The following AMY2B variants were observed in gnomAD, a reference collection of about 807,000 sequenced individuals.
AMY2B encodes the protein amylase alpha 2B.
A neutral mutation model predicts 59.3 loss-of-function variants in AMY2B; 63 were observed. The ratio of observed to expected loss-of-function variants is 1.06; its 90% confidence interval spans 0.87 to 1.31. The LOEUF (loss-of-function observed/expected upper bound fraction) is 1.31. AMY2B is among the 50% of genes most tolerant of loss of function. AMY2B has a pLI of 0.00. For synonymous variants in AMY2B, 180 were observed against 198.1 expected, an observed-to-expected ratio of 0.91 and a Z score of 0.77; for missense variants, 635 against 626.7, an observed-to-expected ratio of 1.01 and a Z score of -0.14.
chr1:103,557,823 T>C (rs1054915256), intron 1 of AMY2B, among the ~76,000 whole-genome samples: 1 of 152,192 alleles, frequency 6.6e-6, no homozygotes, highest in Non-Finnish European at 1.5e-5. Context: ...TTCCATTATA[T>C]GTTATTTATG....
chr1:103,570,438 A>T (rs1570644127), upstream of AMY2B: 1 of 847,652 alleles, frequency 1.2e-6, no homozygotes, highest in East Asian at 3.3e-5. Flanking sequence ...GTAGGCCAAC[A>T]CGGTGCTATC....
Position 103,573,813 on chromosome 1 carries a change from G to T in AMY2B, c.619G>T (p.Ala207Ser), listed in dbSNP as rs753675917. The T allele has an allele frequency of 1.2e-6, 2 of 1,613,826 alleles. No individual in the cohort carries two copies. Among genetic ancestry groups the T allele is most frequent in the Non-Finnish European group, 1.7e-6 (2 of 1,179,782 alleles). Residue 207 changes from alanine to serine, a missense_variant, in exon 4 of 10, where the codon GCA (alanine) becomes TCA (serine). Ala to Ser is a moderately conservative substitution (Grantham distance 99, BLOSUM62 1). Coordinates refer to ENST00000684275, the MANE Select transcript of AMY2B (RefSeq NM_001387437.1). ...YMNHLIDIGV[A>S]GFRLDASKHM... ...GAATCATCTCATTGACATTGGTGTTGCAGGGTTCAGACTTGATGCTTCCAA... is the reference window on the plus strand; with the variant it reads ...GAATCATCTCATTGACATTGGTGTTTCAGGGTTCAGACTTGATGCTTCCAA...
intron 1 of AMY2B, among the ~76,000 whole-genome samples, chr1:103,555,864 A>ATT: frequency 6.6e-6 from 1 of 152,310 alleles, no homozygotes; most frequent in African/African-American, 2.4e-5. Flanking sequence ...TATGCTAATC[A>ATT]GACTGATTCA....
At chr1:103,559,676 A>G (rs1651672113) in intron 1 of AMY2B, among the ~76,000 whole-genome samples, 1 of 152,226 alleles carries the variant, frequency 6.6e-6, no homozygotes, top group Non-Finnish European at 1.5e-5. Context: ...AAAAGGAAGC[A>G]AATTTCAAGA....
upstream of AMY2B, chr1:103,571,256 GT>G (rs1230604057): frequency 5.9e-5 from 43 of 725,586 alleles, no homozygotes; most frequent in Admixed American, 9.9e-4. Flanking sequence ...TTTATGTAAA[GT>G]TTTTTTGTAT....
intron 2 of AMY2B, 37 bp from the exon 3 acceptor site, chr1:103,573,026 C>G: frequency 6.2e-7 from 1 of 1,612,364 alleles, no homozygotes; most frequent in Non-Finnish European, 8.5e-7. Flanking sequence ...TTCTGCCTCT[C>G]TGTAAGTCAC....
At position 103,575,363 on chromosome 1, in the gene AMY2B, C is replaced by T. The variant is rs374177865; in HGVS notation, c.1001+18C>T. On this transcript the variant is annotated intron_variant, in intron 6 of 9. Transcript: ENST00000684275. ...GATGCTAGGTAGAAAACCAAGTTCT[C>T]TATTTTTTTTAACACATCTTTTAAT... 13 of 1,612,652 alleles carry T rather than the reference C, an allele frequency of 8.1e-6. No homozygotes were observed. Among genetic ancestry groups the T allele is most frequent in the African/African-American group, 1.3e-5 (1 of 74,510 alleles).
chr1:103,575,425 A>G lies in AMY2B; in HGVS notation c.1002-16A>G, dbSNP rs1337153857. ...TATTCTGATATTCTGTGATAATATAATTATGTAACTTTCAGGCTGTATAAA... is the reference window on the plus strand; with the variant it reads ...TATTCTGATATTCTGTGATAATATAGTTATGTAACTTTCAGGCTGTATAAA... On this transcript the variant is annotated splice_polypyrimidine_tract_variant and intron_variant, in intron 6 of 9. Coordinates refer to ENST00000684275, the MANE Select transcript of AMY2B (RefSeq NM_001387437.1). 2 of 1,613,334 alleles carry G rather than the reference A, an allele frequency of 1.2e-6. No homozygotes were observed. The highest frequency in any genetic ancestry group is 8.5e-7 in the Non-Finnish European group (1 of 1,179,626).
chr1:103,565,805 A>G (rs903421969), intron 2 of AMY2B, among the ~76,000 whole-genome samples: 4 of 152,276 alleles, frequency 2.6e-5, no homozygotes, highest in South Asian at 2.1e-4. Flanking sequence ...TAATATAACT[A>G]TCACACTTCC....
intron 7 of AMY2B, among the ~76,000 whole-genome samples, chr1:103,576,320 A>T (rs1652352001): frequency 6.6e-6 from 1 of 152,134 alleles, no homozygotes; most frequent in African/African-American, 2.4e-5. Flanking sequence ...GAAGTCTGTT[A>T]CTTTGTATAG....
chr1:103,567,437 C>T (rs1043984593), upstream of AMY2B, among the ~76,000 whole-genome samples: 5 of 152,120 alleles, frequency 3.3e-5, no homozygotes, highest in Non-Finnish European at 7.4e-5. Flanking sequence ...CATTTTGTCT[C>T]ATGTTAAAAA....
upstream of AMY2B, chr1:103,569,549 C>A (rs925283808): frequency 1.5e-5 from 5 of 327,800 alleles, no homozygotes; most frequent in South Asian, 2.7e-5. Context: ...CTCCACCAGT[C>A]GCAATGGAAG....
intron 1 of AMY2B, among the ~76,000 whole-genome samples, chr1:103,557,049 T>C (rs1354902672): frequency 1.3e-5 from 2 of 152,096 alleles, no homozygotes; most frequent in African/African-American, 4.8e-5. Context: ...TCATCCCAAG[T>C]ACTTAAGCTG....
At chr1:103,563,344 G>A (rs566845266) in intron 1 of AMY2B, among the ~76,000 whole-genome samples, 12 of 152,164 alleles carry the variant, frequency 7.9e-5, no homozygotes, top group African/African-American at 2.2e-4. Context: ...CAATAATGCC[G>A]TATATTACTA....
At chr1:103,567,145 G>A (rs1372253907), upstream of AMY2B, among the ~76,000 whole-genome samples, 3 of 152,102 alleles carry the variant, frequency 2.0e-5, no homozygotes, top group Non-Finnish European at 2.9e-5. Context: ...GAGAATATGA[G>A]GGTAAGCTTC....
At position 103,573,079 on chromosome 1, in the gene AMY2B, A is replaced by T; in HGVS notation, c.332A>T (p.Asp111Val). The T allele has an allele frequency of 1.2e-6, 2 of 1,613,670 alleles. No individual in the cohort carries two copies. The highest frequency in any genetic ancestry group is 1.7e-6 in the Non-Finnish European group (2 of 1,179,676). The change falls in exon 3 of 10, where the codon GAT becomes GTT. Residue 111 changes from aspartate to valine, a missense_variant. Coordinates refer to ENST00000684275, the MANE Select transcript of AMY2B (RefSeq NM_001387437.1). ...GCTTTCTAGGTTCGTATTTATGTGG[A>T]TGCTGTAATTAATCATATGTCTGGT... ...CNNVGVRIYVDAVINHMSGNA... is the reference protein window; with the variant it reads ...CNNVGVRIYVVAVINHMSGNA...
intron 1 of AMY2B, among the ~76,000 whole-genome samples, chr1:103,558,870 CAA>C (rs933359712): frequency 9.9e-5 from 15 of 151,754 alleles, no homozygotes; most frequent in African/African-American, 2.4e-4. Context: ...AAGGATAAGA[CAA>C]GAGAAAGGAT....
chr1:103,577,149 G>A (rs2101079171), intron 7 of AMY2B, among the ~76,000 whole-genome samples: 1 of 152,234 alleles, frequency 6.6e-6, no homozygotes, highest in African/African-American at 2.4e-5. Context: ...GAGATAGGAG[G>A]ATCGCTTGAG....
intron 1 of AMY2B, among the ~76,000 whole-genome samples, chr1:103,561,314 C>T (rs898538212): frequency 6.6e-6 from 1 of 152,106 alleles, no homozygotes; most frequent in Non-Finnish European, 1.5e-5. Context: ...GTTGCCCAGG[C>T]TGGAGTGCAG....
Sources: gnomAD v4.1 joint callset for allele counts (sites outside exome capture counted in the v4.1 genomes callset) on GRCh38, gnomAD v4.1.1 for gene constraint, MANE v1.5 for transcripts, NCBI Gene and HGNC (gene_info 2026-07-23, HGNC 2026-07-21) for gene names.